Variants in RBFOX1 observed in about 807,000 individuals in gnomAD.
The protein encoded by RBFOX1 is RNA binding protein fox-1 homolog 1.
A neutral mutation model predicts 57.7 loss-of-function variants in RBFOX1; 8 were observed. The observed-to-expected ratio is 0.14, with a 90% CI of 0.08 to 0.25. The LOEUF is 0.25. Ranked by LOEUF, RBFOX1 falls within the 10% of genes least tolerant of loss-of-function variation. RBFOX1 has a pLI of 1.00. For synonymous variants in RBFOX1, 326 were observed against 222.4 expected, an observed-to-expected ratio of 1.47 and a Z score of -4.15; for missense variants, 611 against 548.5, an observed-to-expected ratio of 1.11 and a Z score of -1.14.
intron 4 of RBFOX1, among the ~76,000 whole-genome samples, chr16:7,344,237 A>T (rs186985376): frequency 6.6e-5 from 10 of 150,910 alleles, no homozygotes; most frequent in Admixed American, 6.6e-4. Context: ...GATAATACCA[A>T]AGTCATTTCT....
At chr16:7,320,754 A>C (rs2096530862) in intron 4 of RBFOX1, among the ~76,000 whole-genome samples, 1 of 152,270 alleles carries the variant, frequency 6.6e-6, no homozygotes, top group Non-Finnish European at 1.5e-5. Flanking sequence ...ATAAAGCTCA[A>C]ACACTTACAA....
intron 3 of RBFOX1, among the ~76,000 whole-genome samples, chr16:6,785,292 G>A (rs533624448): frequency 6.6e-6 from 1 of 152,236 alleles, no homozygotes; most frequent in African/African-American, 2.4e-5. Context: ...CACCATGGAT[G>A]GTGGGCCATA....
chr16:6,844,560 C>CT (rs145308267), intron 3 of RBFOX1, among the ~76,000 whole-genome samples: 35 of 149,514 alleles, frequency 2.3e-4, no homozygotes, highest in South Asian at 8.6e-4. Flanking sequence ...ATATGTACGA[C>CT]TTTTTTTTTT....
chr16:6,150,496 A>T (rs555634702), intron 1 of RBFOX1, among the ~76,000 whole-genome samples: 2 of 152,162 alleles, frequency 1.3e-5, no homozygotes, highest in East Asian at 1.9e-4. Flanking sequence ...ATTAGTGCCT[A>T]TGTTGACCAG....
At chr16:7,442,215 G>A (rs1458328123) in intron 4 of RBFOX1, among the ~76,000 whole-genome samples, 1 of 152,010 alleles carries the variant, frequency 6.6e-6, no homozygotes, top group African/African-American at 2.4e-5. Context: ...GTCCTAAGGG[G>A]TCTCCTGACT....
intron 3 of RBFOX1, among the ~76,000 whole-genome samples, chr16:6,768,594 C>A (rs1459114725): frequency 6.6e-6 from 1 of 151,758 alleles, no homozygotes; most frequent in Non-Finnish European, 1.5e-5. Flanking sequence ...TCAATAAATA[C>A]ACATCTACAA....
intron 1 of RBFOX1, among the ~76,000 whole-genome samples, chr16:5,285,685 A>G (rs2063376315): frequency 6.6e-6 from 1 of 152,314 alleles, no homozygotes; most frequent in Middle Eastern, 3.4e-3. Flanking sequence ...GGGTAGGTAC[A>G]GTGATATAGT....
chr16:6,798,182 C>T lies in RBFOX1; in HGVS notation c.-16+143532C>T, dbSNP rs558295581. Among the ~76,000 whole-genome samples, 243 of 152,270 alleles carry T rather than the reference C, an allele frequency of 1.6e-3. 2 individuals are homozygous for T. The highest frequency in any genetic ancestry group is 2.2e-3 in the Non-Finnish European group (148 of 68,012). On this transcript the variant is annotated intron_variant, in intron 3 of 15. Coordinates refer to ENST00000550418, the MANE Select transcript of RBFOX1 (RefSeq NM_018723.4). ...GAAAGCAGGGCGTTTCTAGTCTCTT[C>T]TCTGGTCGTGTCCCTAAGAGAAACT...
chr16:7,561,812 G>A (rs992263465), intron 5 of RBFOX1, among the ~76,000 whole-genome samples: 12 of 152,144 alleles, frequency 7.9e-5, no homozygotes, highest in Non-Finnish European at 1.5e-5. Flanking sequence ...AGTTTTCTTA[G>A]GTCTGGGAAA....
At chr16:7,676,450 G>C (rs1310381672) in intron 13 of RBFOX1, among the ~76,000 whole-genome samples, 1 of 152,134 alleles carries the variant, frequency 6.6e-6, no homozygotes, top group African/African-American at 2.4e-5. Flanking sequence ...AAAGTATAAA[G>C]AGTATTTAAA....
chr16:6,394,624 G>A (rs2092744776), intron 2 of RBFOX1, among the ~76,000 whole-genome samples: 1 of 151,136 alleles, frequency 6.6e-6, no homozygotes, highest in African/African-American at 2.4e-5. Flanking sequence ...TAAACAACTA[G>A]GTATCTAATA....
At chr16:6,217,275 G>A (rs1386348967) in intron 1 of RBFOX1, among the ~76,000 whole-genome samples, 1 of 140,854 alleles carries the variant, frequency 7.1e-6, no homozygotes, top group Non-Finnish European at 1.5e-5. Context: ...CAAAAATGTT[G>A]CCAAAAATGT....
At chr16:6,801,650 T>C (rs139199846) in intron 3 of RBFOX1, among the ~76,000 whole-genome samples, 7 of 151,928 alleles carry the variant, frequency 4.6e-5, no homozygotes, top group Non-Finnish European at 1.0e-4. Flanking sequence ...AGGAAAGGTG[T>C]TTCTGGACCA....
intron 4 of RBFOX1, among the ~76,000 whole-genome samples, chr16:7,196,238 T>A (rs2086662823): frequency 6.6e-6 from 1 of 152,156 alleles, no homozygotes; most frequent in African/African-American, 2.4e-5. Context: ...CTCAGTTTAT[T>A]TAGTGCTTGT....
chr16:7,305,265 T>C (rs1344560390), intron 4 of RBFOX1, among the ~76,000 whole-genome samples: 1 of 152,086 alleles, frequency 6.6e-6, no homozygotes. Context: ...CTCAGGGTGT[T>C]TCCTTGGGAC....
At chr16:7,641,933 A>G (rs1429043218) in intron 11 of RBFOX1, among the ~76,000 whole-genome samples, 3 of 152,116 alleles carry the variant, frequency 2.0e-5, no homozygotes, top group Admixed American at 2.0e-4. Context: ...TCTGGCTCAG[A>G]AGCCACCTTC....
intron 2 of RBFOX1, among the ~76,000 whole-genome samples, chr16:6,438,899 G>T (rs997062972): frequency 6.6e-6 from 1 of 152,154 alleles, no homozygotes; most frequent in Admixed American, 6.5e-5. Flanking sequence ...AATATCATAT[G>T]TGCTGAATTT....
At chr16:6,903,328 T>G (rs2068940024) in intron 3 of RBFOX1, among the ~76,000 whole-genome samples, 1 of 152,036 alleles carries the variant, frequency 6.6e-6, no homozygotes, top group African/African-American at 2.4e-5. Context: ...CAGCCTGGAG[T>G]AAGGAAGGCG....
At chr16:5,488,735 G>C (rs546724586) in intron 2 of RBFOX1, among the ~76,000 whole-genome samples, 10 of 150,682 alleles carry the variant, frequency 6.6e-5, no homozygotes, top group Non-Finnish European at 1.5e-5. Context: ...CGATGGTGAT[G>C]ATAATGGAGG....
Sources: allele counts gnomAD v4.1 joint callset (sites outside exome capture counted in the v4.1 genomes callset), GRCh38; gene constraint gnomAD v4.1.1; transcripts MANE v1.5; gene names NCBI Gene and HGNC (gene_info 2026-07-23, HGNC 2026-07-21).